The following KIAA1671 variants were observed in gnomAD, a reference collection of about 807,000 sequenced individuals.
The protein encoded by KIAA1671 is uncharacterized protein KIAA1671.
A neutral mutation model predicts 131.2 loss-of-function variants in KIAA1671; 52 were observed. The ratio of observed to expected loss-of-function variants is 0.40; its 90% CI spans 0.32 to 0.50. The LOEUF (loss-of-function observed/expected upper bound fraction) is 0.50, where lower values mean the gene tolerates loss of function less well. Ranked by LOEUF, KIAA1671 falls within the 20% of genes least tolerant of loss-of-function variation. The pLI is 0.73. For synonymous variants in KIAA1671, 1,003 were observed against 961.6 expected, an observed-to-expected ratio of 1.04 and a Z score of -0.80; for missense variants, 2,360 against 2,364.2, an observed-to-expected ratio of 1.00 and a Z score of 0.04.
rs1934415715 is a variant in KIAA1671, at chr22:25,184,838, A to G, written c.5200-139A>G. 5.6e-6 allele frequency: 5 copies of G among 888,958 alleles called. No homozygotes were observed. In the Admixed American group the frequency reaches 6.5e-5, roughly 12 times the overall value. The allele number at this position is 888,958 out of a possible 1,614,324, so 55.1% of individuals were successfully genotyped here. A position where few individuals can be genotyped will look rare whatever the true frequency, so the allele number is the denominator to read the frequency against. ...TGACATCTGACTTTTCTCAGCCCCC[A>G]TGTTTCCTGTCTGGGTTTATTCCGA... On this transcript the variant is annotated intron_variant, in intron 10 of 12. Transcript: ENST00000358431.
chr22:25,168,823 G>A (rs1201497141), intron 6 of KIAA1671, among the ~76,000 whole-genome samples: 2 of 152,120 alleles, frequency 1.3e-5, no homozygotes, highest in Non-Finnish European at 1.5e-5. Flanking sequence ...GGCTTGTGTG[G>A]GTATGGTATG....
intron 6 of KIAA1671, among the ~76,000 whole-genome samples, chr22:25,144,377 CA>C (rs1932846977): frequency 6.6e-6 from 1 of 152,192 alleles, no homozygotes; most frequent in Admixed American, 6.5e-5. Flanking sequence ...CAGTGGTCTG[CA>C]GATACACCTG....
At chr22:25,030,028 T>A (rs1374144393) in intron 3 of KIAA1671, among the ~76,000 whole-genome samples, 1 of 152,246 alleles carries the variant, frequency 6.6e-6, no homozygotes, top group Non-Finnish European at 1.5e-5. Flanking sequence ...TGGTTAATAC[T>A]GATATTCTAC....
intron 2 of KIAA1671, among the ~76,000 whole-genome samples, 160 bp from the exon 3 acceptor site, chr22:25,027,785 C>T (rs1035545606): frequency 6.6e-5 from 10 of 152,272 alleles, no homozygotes; most frequent in Non-Finnish European, 1.3e-4. Flanking sequence ...AGCTCAGAGA[C>T]GGGGAGAGGC....
chr22:25,023,088 G>C (rs1335155921), intron 1 of KIAA1671: 1 of 152,502 alleles, frequency 6.6e-6, no homozygotes, highest in African/African-American at 2.4e-5. Flanking sequence ...GGTGCCTGTA[G>C]TCCCAGCTAC....
In KIAA1671 at chr22:25,028,686, C is replaced by G. The variant is rs1926101449; in HGVS notation, c.687C>G (p.Arg229=). ...CCAGCAGTGTGGAGGACACGGCACG[C>G]CCCCTTGTGGAGCCCAGGCCTCGCC... ...SKASSVEDTA[R]PLVEPRPRLK... Residue 229 remains arginine (R), a synonymous_variant, in exon 3 of 13, where the codon CGC becomes CGG. Transcript: ENST00000358431. 3.9e-6 allele frequency: 6 copies of G among 1,551,182 alleles called. No homozygotes were observed. In the South Asian group the frequency reaches 7.1e-5, roughly 18 times the overall value.
In KIAA1671 at chr22:25,093,818, CTCTCTT is replaced by C. The variant is rs1568951473; in HGVS notation, c.4530+44460_4530+44465del. On this transcript the variant is annotated intron_variant, in intron 6 of 12. Coordinates refer to ENST00000358431, the MANE Select transcript of KIAA1671 (RefSeq NM_001145206.2). ...TCTCTCTCTCTCTCTCTCTGTCTCT[CTCTCTT>C]TCTCTCTCTGTCTGTCTCTCTCTCT... Among the ~76,000 whole-genome samples the C allele has an allele frequency of 2.2e-4, 21 of 96,752 alleles. 2 individuals carry two copies. Among genetic ancestry groups the C allele is most frequent in the South Asian group, 3.9e-4 (1 of 2,562 alleles). The allele number at this position is 96,752 out of a possible 152,430, so 63.5% of individuals were successfully genotyped here.
intron 6 of KIAA1671, among the ~76,000 whole-genome samples, chr22:25,138,142 A>AT (rs1932751210): frequency 6.6e-6 from 1 of 152,236 alleles, no homozygotes; most frequent in South Asian, 2.1e-4. Context: ...TTTTGTTTTT[A>AT]TTTTTTGAGC....
chr22:25,093,254 G>C (rs565464034), intron 6 of KIAA1671, among the ~76,000 whole-genome samples: 1 of 152,310 alleles, frequency 6.6e-6, no homozygotes, highest in South Asian at 2.1e-4. Flanking sequence ...GGAGGGGCCA[G>C]TTTTGAGCAG....
chr22:25,162,725 G>T (rs775862408), intron 6 of KIAA1671, among the ~76,000 whole-genome samples: 3 of 152,188 alleles, frequency 2.0e-5, no homozygotes, highest in Non-Finnish European at 4.4e-5. Flanking sequence ...AATCTAGCCG[G>T]CTACTTCTTT....
intron 1 of KIAA1671, among the ~76,000 whole-genome samples, chr22:25,024,937 G>A (rs987631587): frequency 1.2e-4 from 19 of 152,112 alleles, no homozygotes; most frequent in Admixed American, 2.6e-4. Context: ...GGGTTGTACC[G>A]GGTTGAAGGG....
Position 25,040,866 on chromosome 22 carries a change from A to T in KIAA1671, c.3736A>T (p.Arg1246Ter). 1 of 1,544,240 alleles carries T rather than the reference A, an allele frequency of 6.5e-7. No homozygotes were observed. Among genetic ancestry groups the T allele is most frequent in the Non-Finnish European group, 8.7e-7 (1 of 1,142,876 alleles). Residue 1246 changes from arginine to a stop codon, truncating the protein, a stop_gained, in exon 5 of 13, where the codon AGA becomes TGA. Coordinates refer to ENST00000358431, the MANE Select transcript of KIAA1671 (RefSeq NM_001145206.2). LOFTEE classifies it high-confidence loss of function. ...TGTTCAGCTGGGCGGGGTGGAGCAGAGAAGGAGGAGCCTGAAGGAGATGCC... is the reference window on the plus strand; with the variant it reads ...TGTTCAGCTGGGCGGGGTGGAGCAGTGAAGGAGGAGCCTGAAGGAGATGCC... ...RPVQLGGVEQ[R>*]RRSLKEMPDT...
intron 1 of KIAA1671, among the ~76,000 whole-genome samples, chr22:25,016,089 C>T (rs1412688720): frequency 2.0e-5 from 3 of 150,194 alleles, no homozygotes; most frequent in Non-Finnish European, 3.0e-5. Context: ...GGTGTGATCT[C>T]GGCTCACTGC....
At chr22:25,112,049 A>G (rs757128870) in intron 6 of KIAA1671, 1 of 396,510 alleles carries the variant, frequency 2.5e-6, no homozygotes, top group Non-Finnish European at 4.4e-6. Flanking sequence ...GCTGTTTTTA[A>G]TTTTTTTTCC....
intron 6 of KIAA1671, among the ~76,000 whole-genome samples, chr22:25,122,632 A>C (rs1931996624): frequency 6.6e-6 from 1 of 152,092 alleles, no homozygotes; most frequent in Non-Finnish European, 1.5e-5. Flanking sequence ...AAGAACCCTC[A>C]TGGACTAAGC....
At chr22:25,111,474 G>A (rs1931341910) in intron 6 of KIAA1671, among the ~76,000 whole-genome samples, 1 of 152,214 alleles carries the variant, frequency 6.6e-6, no homozygotes, top group Non-Finnish European at 1.5e-5. Context: ...GAAGCCCCTC[G>A]CTAAGACGGG....
Position 25,029,240 on chromosome 22 carries a change from C to T in KIAA1671, c.1241C>T (p.Ala414Val). Residue 414 changes from alanine (A) to valine (V), a missense_variant, in exon 3 of 13, where the codon GCT (alanine) becomes GTT (valine). Ala to Val is a moderately conservative substitution (Grantham distance 64). Transcript: ENST00000358431. ...SPRLGRGLEL[A>V]EVKSRVADGE... Reference sequence around the variant, plus strand: ...AGGCTGGGAAGGGGCCTAGAACTTGCTGAGGTTAAGAGCAGAGTGGCGGAT... The same window carrying T: ...AGGCTGGGAAGGGGCCTAGAACTTGTTGAGGTTAAGAGCAGAGTGGCGGAT... 6.8e-7 allele frequency: 1 copy of T among 1,475,912 alleles called. No homozygotes were observed. The highest frequency in any genetic ancestry group is 2.4e-5 in the Admixed American group (1 of 41,466). 91.4% of individuals were successfully genotyped at this position (1,475,912 alleles called of 1,614,324 possible). A position where few individuals can be genotyped will look rare whatever the true frequency, so the allele number is the denominator to read the frequency against.
rs575724954 is a variant in KIAA1671, at chr22:25,181,946, G to A, written c.5199+123G>A. 4.1e-5 allele frequency: 44 copies of A among 1,082,806 alleles called. No individual in the cohort carries two copies. The African/African-American group carries it at 6.0e-4, about 15-fold the overall frequency. 67.1% of individuals were successfully genotyped at this position (1,082,806 alleles called of 1,614,324 possible). A position where few individuals can be genotyped will look rare whatever the true frequency, so the allele number is the denominator to read the frequency against. ...TAATCCCAGCACTTTGGGAGGCCGA[G>A]TTGGGCGGATCACGAGATCAGGAGA... On this transcript the variant is annotated intron_variant, in intron 10 of 12. Transcript: ENST00000358431.
chr22:24,961,684 C>T (rs1358361524), intron 1 of KIAA1671, among the ~76,000 whole-genome samples: 1 of 152,242 alleles, frequency 6.6e-6, no homozygotes, highest in African/African-American at 2.4e-5. Flanking sequence ...TGCTCTCATG[C>T]TATAGGCTGA....
Sources: gnomAD v4.1 joint callset for allele counts (sites outside exome capture counted in the v4.1 genomes callset) on GRCh38, gnomAD v4.1.1 for gene constraint, MANE v1.5 for transcripts, NCBI Gene and HGNC (gene_info 2026-07-23, HGNC 2026-07-21) for gene names.